IGFL2: variants seen among roughly 807,000 people sequenced by gnomAD.
IGFL2 encodes IGF like family member 2.
In IGFL2, 7 loss-of-function variants were observed where a neutral mutation model predicts 13.9. That is an observed-to-expected ratio of 0.51 (90% CI 0.29 to 0.95). The LOEUF (loss-of-function observed/expected upper bound fraction) is 0.95. IGFL2 is among the 40% of genes least tolerant of loss of function. The probability of loss-of-function intolerance (pLI) is 0.08; values close to 1 mark genes in which losing one functional copy is unlikely to be tolerated. For synonymous variants in IGFL2, 55 were observed against 55.8 expected, an observed-to-expected ratio of 0.99 and a Z score of 0.07; for missense variants, 138 against 147.8, an observed-to-expected ratio of 0.93 and a Z score of 0.34.
At chr19:46,153,234 G>A (rs1973608681) in intron 1 of IGFL2, among the ~76,000 whole-genome samples, 1 of 152,264 alleles carries the variant, frequency 6.6e-6, no homozygotes, top group Middle Eastern at 3.4e-3. Context: ...TGAATGATTG[G>A]TATTAAGCCT....
the IGFL2 span, among the ~76,000 whole-genome samples, chr19:46,191,290 T>A: frequency 6.6e-6 from 1 of 151,980 alleles, no homozygotes; most frequent in Non-Finnish European, 1.5e-5. Flanking sequence ...GAGACTGATT[T>A]GGGGTTGGGA....
intron 1 of IGFL2, among the ~76,000 whole-genome samples, chr19:46,158,268 C>T (rs939395139): frequency 1.3e-5 from 2 of 151,998 alleles, no homozygotes; most frequent in Non-Finnish European, 2.9e-5. Context: ...AGTGCAGTGG[C>T]GCGATCTTGG....
chr19:46,192,157 G>C, the IGFL2 span, among the ~76,000 whole-genome samples: 63 of 152,312 alleles, frequency 4.1e-4, no homozygotes, highest in African/African-American at 1.4e-3. Context: ...GGCAGCAGGG[G>C]CTGGGGTGCA....
the IGFL2 span, among the ~76,000 whole-genome samples, chr19:46,166,642 T>C: frequency 8.1e-4 from 124 of 152,296 alleles, 2 homozygotes; most frequent in Middle Eastern, 0.017. Flanking sequence ...GTTTATTTCA[T>C]CTCTGCAATC....
At chr19:46,078,839 T>A in the IGFL2 span, among the ~76,000 whole-genome samples, 7 of 149,120 alleles carry the variant, frequency 4.7e-5, no homozygotes, top group African/African-American at 1.7e-4. Context: ...CGCGCAGGCG[T>A]CGTCAGTAGA....
chr19:46,140,408 C>T (rs1010983274), upstream of IGFL2, among the ~76,000 whole-genome samples: 4 of 152,096 alleles, frequency 2.6e-5, no homozygotes, highest in Non-Finnish European at 5.9e-5. Context: ...CTGGGCACAG[C>T]GGCACATGCC....
chr19:46,185,878 G>C, the IGFL2 span, among the ~76,000 whole-genome samples: 12 of 152,276 alleles, frequency 7.9e-5, no homozygotes, highest in African/African-American at 2.9e-4. Context: ...GTACATGCCA[G>C]GCAGGCAGTC....
chr19:46,191,884 G>T, the IGFL2 span, among the ~76,000 whole-genome samples: 1 of 152,054 alleles, frequency 6.6e-6, no homozygotes, highest in African/African-American at 2.4e-5. Flanking sequence ...ATTTTCTTTT[G>T]TAATCTTATT....
the IGFL2 span, among the ~76,000 whole-genome samples, chr19:46,200,618 C>T: frequency 6.6e-5 from 10 of 151,688 alleles, no homozygotes; most frequent in South Asian, 1.5e-3. Flanking sequence ...TGAGCTCAAG[C>T]GTTCCTCCTG....
the IGFL2 span, among the ~76,000 whole-genome samples, chr19:46,190,901 T>C: frequency 6.6e-6 from 1 of 152,170 alleles, no homozygotes; most frequent in South Asian, 2.1e-4. Flanking sequence ...AAGGGTTGAC[T>C]ATTCGGGAGT....
the IGFL2 span, among the ~76,000 whole-genome samples, chr19:46,095,802 G>C: frequency 6.6e-6 from 1 of 152,154 alleles, no homozygotes; most frequent in African/African-American, 2.4e-5. Flanking sequence ...TTTCCCCATT[G>C]CTTGTCTGTG....
chr19:46,192,502 C>T, the IGFL2 span, among the ~76,000 whole-genome samples: 5 of 151,724 alleles, frequency 3.3e-5, no homozygotes, highest in Admixed American at 1.3e-4. Flanking sequence ...TCACTGCAAC[C>T]TCCACCTCCT....
chr19:46,106,571 G>A, the IGFL2 span, among the ~76,000 whole-genome samples: 2 of 152,142 alleles, frequency 1.3e-5, no homozygotes, highest in African/African-American at 4.8e-5. Flanking sequence ...TGTGGAGGGA[G>A]GTATTGAGGA....
At chr19:46,198,500 G>T in the IGFL2 span, 1 of 152,068 alleles carries the variant, frequency 6.6e-6, no homozygotes, top group East Asian at 1.9e-4. Context: ...ATGAACGAAG[G>T]TTTCACTACA....
the IGFL2 span, among the ~76,000 whole-genome samples, chr19:46,183,880 A>G: frequency 4.0e-5 from 6 of 151,876 alleles, no homozygotes; most frequent in Non-Finnish European, 7.4e-5. Flanking sequence ...TCGCTTCTCT[A>G]CTAATTCCTC....
the IGFL2 span, among the ~76,000 whole-genome samples, chr19:46,109,793 A>C: frequency 6.6e-6 from 1 of 152,202 alleles, no homozygotes; most frequent in Admixed American, 6.5e-5. Flanking sequence ...GTATTGTCAG[A>C]AAGTCAATTG....
the IGFL2 span, chr19:46,202,885 C>G: frequency 6.6e-6 from 1 of 152,116 alleles, no homozygotes; most frequent in African/African-American, 2.4e-5. Flanking sequence ...GCTGAGGACC[C>G]GAGGTCATGG....
intron 1 of IGFL2, among the ~76,000 whole-genome samples, chr19:46,155,104 C>T (rs879584991): frequency 2.6e-5 from 4 of 152,184 alleles, no homozygotes; most frequent in Non-Finnish European, 4.4e-5. Context: ...TGAACTCAGG[C>T]AGGATCAGTG....
upstream of IGFL2, among the ~76,000 whole-genome samples, chr19:46,138,895 G>A (rs1209966358): frequency 6.6e-6 from 1 of 152,176 alleles, no homozygotes; most frequent in Admixed American, 6.5e-5. Flanking sequence ...GAGCCTTGGA[G>A]AATGAGCATC....
Sources: allele counts gnomAD v4.1 joint callset (sites outside exome capture counted in the v4.1 genomes callset), GRCh38; gene constraint gnomAD v4.1.1; transcripts MANE v1.5; gene names NCBI Gene and HGNC (gene_info 2026-07-23, HGNC 2026-07-21).